Variants in STK3 observed in about 807,000 individuals in gnomAD.
STK3 encodes the protein serine/threonine kinase 3.
A neutral mutation model predicts 58.0 loss-of-function variants in STK3; 41 were observed. The ratio of observed to expected loss-of-function variants is 0.71; its 90% CI spans 0.55 to 0.92. The LOEUF is 0.92. Among genes scored for constraint, STK3 ranks in the 40% least tolerant of loss-of-function variants. STK3 has a pLI of 0.00. For missense variants in STK3, 479 were observed against 602.7 expected, an observed-to-expected ratio of 0.79 and a Z score of 2.15; for synonymous variants, 170 against 191.0, an observed-to-expected ratio of 0.89 and a Z score of 0.91.
At chr8:98,514,090 G>A (rs114268193) in intron 10 of STK3, among the ~76,000 whole-genome samples, 1 of 152,224 alleles carries the variant, frequency 6.6e-6, no homozygotes, top group African/African-American at 2.4e-5. Flanking sequence ...TGCCTCTCTT[G>A]TCCTTCCTCC....
rs569192141 is a variant in STK3 at position 98,824,706 on chromosome 8, T to C, written c.26+809A>G. On this transcript the variant is annotated intron_variant, in intron 1 of 10. Transcript: ENST00000419617. ...CTCCCAAAGTTCCTAACTTTTCAAT[T>C]ATCCCATGTTCTTGAACACACCTTT... Among the ~76,000 whole-genome samples the C allele has an allele frequency of 9.8e-5, 15 of 152,308 alleles. 1 individual carries two copies. The South Asian group carries it at 3.1e-3, about 32-fold the overall frequency.
chr8:98,663,343 A>G (rs1323403952), intron 6 of STK3, among the ~76,000 whole-genome samples: 1 of 152,198 alleles, frequency 6.6e-6, no homozygotes, highest in East Asian at 1.9e-4. Context: ...ACCAGTTAGA[A>G]TGGCAATCAT....
chr8:98,498,254 G>A (rs1026744198), intron 10 of STK3, among the ~76,000 whole-genome samples: 5 of 151,958 alleles, frequency 3.3e-5, no homozygotes, highest in Non-Finnish European at 4.4e-5. Flanking sequence ...CTATCATCAA[G>A]TTCTTCCCTA....
chr8:98,732,144 G>A (rs990650253), intron 4 of STK3, among the ~76,000 whole-genome samples: 4 of 151,782 alleles, frequency 2.6e-5, no homozygotes, highest in African/African-American at 9.7e-5. Context: ...TCCTCCAAAA[G>A]GCAAAAAGAC....
chr8:98,893,353 C>T (rs976597384), intron 1 of STK3, among the ~76,000 whole-genome samples: 3 of 148,512 alleles, frequency 2.0e-5, no homozygotes, highest in Non-Finnish European at 3.0e-5. Context: ...TGCACCACTG[C>T]ACTTCAGCCT....
chr8:98,892,219 C>T (rs146311679), intron 1 of STK3, among the ~76,000 whole-genome samples: 2,243 of 152,234 alleles, frequency 0.015, 25 homozygotes, highest in Middle Eastern at 0.024. Flanking sequence ...ATCATGAATT[C>T]CTCCTTCCTA....
chr8:98,914,966 C>T (rs975015737), intron 1 of STK3, among the ~76,000 whole-genome samples: 8 of 152,208 alleles, frequency 5.3e-5, no homozygotes, highest in African/African-American at 1.7e-4. Context: ...CTGCTACTTA[C>T]TGTGCAACTT....
At chr8:98,902,238 C>CATCAA (rs2131954874) in intron 1 of STK3, among the ~76,000 whole-genome samples, 1 of 152,270 alleles carries the variant, frequency 6.6e-6, no homozygotes, top group Non-Finnish European at 1.5e-5. Flanking sequence ...TGACCTCATC[C>CATCAA]ATTTCCATGA....
At chr8:98,702,139 G>GT (rs1045642754) in intron 6 of STK3, among the ~76,000 whole-genome samples, 1 of 152,044 alleles carries the variant, frequency 6.6e-6, no homozygotes, top group Non-Finnish European at 1.5e-5. Context: ...AACAAATTTG[G>GT]TTAACTCCTT....
At chr8:98,467,715 T>C (rs1225005792) in intron 10 of STK3, among the ~76,000 whole-genome samples, 1 of 152,166 alleles carries the variant, frequency 6.6e-6, no homozygotes, top group Non-Finnish European at 1.5e-5. Context: ...GCATGTCTGA[T>C]GATACATTTA....
intron 2 of STK3, among the ~76,000 whole-genome samples, chr8:98,768,607 C>T (rs1332030445): frequency 6.6e-6 from 1 of 151,874 alleles, no homozygotes; most frequent in Non-Finnish European, 1.5e-5. Flanking sequence ...GTGTATATTC[C>T]CTCAAAAGCT....
At chr8:98,650,083 T>C (rs1030022772) in intron 6 of STK3, among the ~76,000 whole-genome samples, 1 of 152,238 alleles carries the variant, frequency 6.6e-6, no homozygotes, top group Non-Finnish European at 1.5e-5. Flanking sequence ...TATATACAAC[T>C]ATTCACCAAA....
At chr8:98,534,410 G>C in intron 9 of STK3, among the ~76,000 whole-genome samples, 1 of 152,180 alleles carries the variant, frequency 6.6e-6, no homozygotes, top group Non-Finnish European at 1.5e-5. Flanking sequence ...CTTAGAGACA[G>C]TTCAGCATGA....
intron 10 of STK3, among the ~76,000 whole-genome samples, chr8:98,457,691 C>T (rs185172637): frequency 9.1e-4 from 139 of 152,084 alleles, no homozygotes; most frequent in African/African-American, 3.1e-3. Flanking sequence ...ATGACGTAAA[C>T]GTAGATAGAT....
At chr8:98,546,562 T>C (rs533849279) in intron 9 of STK3, among the ~76,000 whole-genome samples, 71 of 152,294 alleles carry the variant, frequency 4.7e-4, no homozygotes, top group African/African-American at 1.7e-3. Flanking sequence ...AAATTGATAT[T>C]ACATGTTGAT....
chr8:98,457,187 T>G (rs927135862), intron 10 of STK3, among the ~76,000 whole-genome samples: 5 of 152,252 alleles, frequency 3.3e-5, no homozygotes, highest in African/African-American at 1.2e-4. Context: ...TATTATGCCA[T>G]AAAACATACA....
At chr8:98,914,289 T>C (rs1211343381) in intron 1 of STK3, among the ~76,000 whole-genome samples, 3 of 151,856 alleles carry the variant, frequency 2.0e-5, no homozygotes, top group Non-Finnish European at 2.9e-5. Context: ...CTACAAAAAA[T>C]ACAAAAATAG....
chr8:98,511,344 GTT>G (rs1205867324), intron 10 of STK3, among the ~76,000 whole-genome samples: 11 of 151,948 alleles, frequency 7.2e-5, no homozygotes, highest in African/African-American at 2.4e-4. Context: ...GCTACTACAT[GTT>G]TTGCACACCT....
At chr8:98,885,470 A>G (rs577511170) in intron 1 of STK3, among the ~76,000 whole-genome samples, 1 of 152,164 alleles carries the variant, frequency 6.6e-6, no homozygotes, top group South Asian at 2.1e-4. Context: ...ACGGAGTTTC[A>G]TTCTTGTTGC....
Sources: gnomAD v4.1 joint callset for allele counts (sites outside exome capture counted in the v4.1 genomes callset) on GRCh38, gnomAD v4.1.1 for gene constraint, MANE v1.5 for transcripts, NCBI Gene and HGNC (gene_info 2026-07-23, HGNC 2026-07-21) for gene names.